RCAN1: variants seen among roughly 807,000 people sequenced by gnomAD.
RCAN1 encodes the protein calcipressin-1.
In RCAN1, 11 loss-of-function variants were observed where a neutral mutation model predicts 22.9. The observed-to-expected ratio is 0.48, with a 90% CI of 0.30 to 0.79. The LOEUF (loss-of-function observed/expected upper bound fraction) is 0.79, where lower values mean the gene tolerates loss of function less well. Among genes scored for constraint, RCAN1 ranks in the 30% least tolerant of loss-of-function variants. The pLI is 0.06. For missense variants in RCAN1, 291 were observed against 337.8 expected, an observed-to-expected ratio of 0.86 and a Z score of 1.09; for synonymous variants, 136 against 142.3, an observed-to-expected ratio of 0.96 and a Z score of 0.32.
rs1487561600 is a variant in RCAN1 at position 34,516,505 on chromosome 21, T to C, written c.*1579A>G. On this transcript the variant is annotated 3_prime_UTR_variant, in exon 4 of 4. Transcript: ENST00000313806. ...CAACTTTTCTGTAAGGAGCATACTG[T>C]GCCCATTTATTATAGAATGCAGTTA... is the stretch of plus-strand genomic sequence containing the variant. 1.3e-5 allele frequency: 2 copies of C among 152,240 alleles called. No individual in the cohort carries two copies. 9.4% of individuals were successfully genotyped at this position (152,240 alleles called of 1,614,324 possible).
Position 34,521,535 on chromosome 21 carries a change from A to G in RCAN1, c.550T>C (p.Tyr184His). 6.2e-7 allele frequency: 1 copy of G among 1,614,208 alleles called. No homozygotes were observed. Among genetic ancestry groups the G allele is most frequent in the South Asian group, 1.1e-5 (1 of 91,086 alleles). ...QVEDATPVIN[Y>H]DLLYAISKLG... ...TTGGAGATGGCATATAAGAGATCAT[A>G]GTTTATGACTGGGGTCGCATCTTCC... Residue 184 changes from tyrosine (Y) to histidine (H), a missense_variant, in exon 3 of 4, where the codon TAT becomes CAT. By Grantham distance (83) the Tyr-to-His change is moderately conservative. Transcript: ENST00000313806.
rs545393648 is a variant in RCAN1 at position 34,535,850 on chromosome 21, G to T, written c.253-12140C>A. 9.4e-4 allele frequency among the ~76,000 whole-genome samples: 141 copies of T among 149,920 alleles called. 1 individual carries two copies. Among genetic ancestry groups the T allele is most frequent in the African/African-American group, 3.2e-3 (130 of 40,748 alleles). ...TAAAGACTTTTTTTTTAGCAGAATG[G>T]TGATCATGATCTGTTAACACAGTAG... is the stretch of plus-strand genomic sequence containing the variant. On this transcript the variant is annotated intron_variant, in intron 1 of 3. Transcript: ENST00000313806.
At chr21:34,603,973 T>C (rs1169850169) in intron 1 of RCAN1, among the ~76,000 whole-genome samples, 1 of 152,210 alleles carries the variant, frequency 6.6e-6, no homozygotes, top group Non-Finnish European at 1.5e-5. Context: ...ACAAAGTGGA[T>C]GAGACATGTC....
chr21:34,536,667 C>T (rs1427682921), intron 1 of RCAN1, among the ~76,000 whole-genome samples: 1 of 125,708 alleles, frequency 8.0e-6, no homozygotes, highest in Non-Finnish European at 1.6e-5. Context: ...GCACACACCA[C>T]GCCGGCACCT....
intron 1 of RCAN1, among the ~76,000 whole-genome samples, chr21:34,563,267 T>C (rs1180556008): frequency 6.6e-6 from 1 of 152,214 alleles, no homozygotes; most frequent in Non-Finnish European, 1.5e-5. Flanking sequence ...ATTTAGGGTT[T>C]ATTGATGTGG....
At chr21:34,520,341 A>G (rs949955432) in intron 3 of RCAN1, among the ~76,000 whole-genome samples, 10 of 151,756 alleles carry the variant, frequency 6.6e-5, no homozygotes, top group African/African-American at 2.2e-4. Context: ...CTAGGGGAAG[A>G]CTCCACACCC....
intron 1 of RCAN1, among the ~76,000 whole-genome samples, chr21:34,607,322 T>A (rs1217919752): frequency 2.0e-5 from 3 of 152,148 alleles, no homozygotes; most frequent in Non-Finnish European, 4.4e-5. Context: ...AAAAATCAGA[T>A]TAGAAAAAAA....
intron 1 of RCAN1, among the ~76,000 whole-genome samples, chr21:34,611,383 C>T (rs1988683655): frequency 6.6e-6 from 1 of 152,170 alleles, no homozygotes; most frequent in Non-Finnish European, 1.5e-5. Context: ...ACTCATTATA[C>T]AGTATTTACA....
intron 1 of RCAN1, among the ~76,000 whole-genome samples, chr21:34,563,794 T>TATAGAG (rs765741781): frequency 9.0e-4 from 44 of 48,688 alleles, no homozygotes; most frequent in African/African-American, 1.8e-3. Context: ...TATATATATA[T>TATAGAG]AGAGAGAGAG....
chr21:34,553,151 C>T (rs1055176692), intron 1 of RCAN1, among the ~76,000 whole-genome samples: 4 of 152,156 alleles, frequency 2.6e-5, no homozygotes, highest in Non-Finnish European at 5.9e-5. Context: ...TTTGTAGCAG[C>T]AACTCTGCGG....
At position 34,530,628 on chromosome 21, in the gene RCAN1, T is replaced by TG. The variant is rs57553232; in HGVS notation, c.253-6919_253-6918insC. On this transcript the variant is annotated intron_variant, in intron 1 of 3. Transcript: ENST00000313806. ...AGATAGTGAAATAGTTTTTTTTTTT[T>TG]TTTTTTTTTTTTTTTGAGACAGTTT... Among the ~76,000 whole-genome samples, 530 of 136,656 alleles carry TG rather than the reference T, an allele frequency of 3.9e-3. 4 individuals carry two copies. The highest frequency in any genetic ancestry group is 0.014 in the South Asian group (59 of 4,298). The allele number at this position is 136,656 out of a possible 152,430, so 89.7% of individuals were successfully genotyped here.
chr21:34,556,358 C>T (rs6517244), intron 1 of RCAN1, among the ~76,000 whole-genome samples: 36,007 of 147,100 alleles, frequency 0.24, 5,057 homozygotes, highest in African/African-American at 0.39. Context: ...CCCAGGAGGT[C>T]GAGGCTGCAG....
At chr21:34,532,687 A>G (rs1361737187) in intron 1 of RCAN1, among the ~76,000 whole-genome samples, 1 of 152,254 alleles carries the variant, frequency 6.6e-6, no homozygotes, top group Non-Finnish European at 1.5e-5. Context: ...CATACATTTG[A>G]CGACAGATGT....
intron 1 of RCAN1, among the ~76,000 whole-genome samples, chr21:34,603,721 G>A (rs1568932624): frequency 6.6e-6 from 1 of 152,068 alleles, no homozygotes; most frequent in African/African-American, 2.4e-5. Flanking sequence ...TATGAAATGG[G>A]GAAATAATAG....
At chr21:34,565,255 T>C (rs538622940) in intron 1 of RCAN1, among the ~76,000 whole-genome samples, 1 of 152,364 alleles carries the variant, frequency 6.6e-6, no homozygotes, top group East Asian at 1.9e-4. Context: ...TTCCACTTCA[T>C]TCTTCTAGTA....
At chr21:34,591,314 A>C (rs1029217962) in intron 1 of RCAN1, among the ~76,000 whole-genome samples, 4 of 152,202 alleles carry the variant, frequency 2.6e-5, no homozygotes, top group Non-Finnish European at 5.9e-5. Flanking sequence ...GCACAGAGAA[A>C]AAAACAAAGT....
rs1984163027 is a variant in RCAN1, at chr21:34,517,913, A to G, written c.*171T>C. 1 of 725,108 alleles carries G rather than the reference A, an allele frequency of 1.4e-6. No homozygotes were observed. The highest frequency in any genetic ancestry group is 2.3e-6 in the Non-Finnish European group (1 of 441,566). The allele number at this position is 725,108 out of a possible 1,614,324, so 44.9% of individuals were successfully genotyped here. A position where few individuals can be genotyped will look rare whatever the true frequency, so the allele number is the denominator to read the frequency against. On this transcript the variant is annotated 3_prime_UTR_variant, in exon 4 of 4. Coordinates refer to ENST00000313806, the MANE Select transcript of RCAN1 (RefSeq NM_004414.7). ...GTGCCATGAACAGTAACTGGTGTGC[A>G]GCATTAGAACAAGGGGACACGGCCT...
intron 1 of RCAN1, chr21:34,613,659 G>T: frequency 8.5e-7 from 1 of 1,171,332 alleles, no homozygotes; most frequent in Non-Finnish European, 1.1e-6. Context: ...AGATCAATCA[G>T]TAAGACCCTG....
intron 1 of RCAN1, among the ~76,000 whole-genome samples, chr21:34,554,483 T>G (rs1381462183): frequency 6.6e-6 from 1 of 152,156 alleles, no homozygotes; most frequent in African/African-American, 2.4e-5. Flanking sequence ...TTGCAGAAGC[T>G]GGGCCAGACT....
Sources: gnomAD v4.1 joint callset for allele counts (sites outside exome capture counted in the v4.1 genomes callset) on GRCh38, gnomAD v4.1.1 for gene constraint, MANE v1.5 for transcripts, NCBI Gene and HGNC (gene_info 2026-07-23, HGNC 2026-07-21) for gene names.